The following CYP3A7 variants were observed in gnomAD, a reference collection of about 807,000 sequenced individuals.
The protein encoded by CYP3A7 is cytochrome P450 family 3 subfamily A member 7.
CYP3A7 carries 45 observed loss-of-function variants against 55.2 expected under a neutral mutation model. The ratio of observed to expected loss-of-function variants is 0.82; its 90% CI spans 0.64 to 1.05. The LOEUF is 1.05. Among genes scored for constraint, CYP3A7 ranks in the 50% least tolerant of loss-of-function variants. The pLI is 0.00. For synonymous variants in CYP3A7, 180 were observed against 207.4 expected (o/e 0.87, Z 1.13); for missense variants, 548 against 605.3 (o/e 0.91, Z 0.99).
At chr7:99,709,014 C>T (rs769720757) in intron 11 of CYP3A7, 21 bp downstream of exon 11, 8 of 1,613,788 alleles carry the variant, frequency 5.0e-6, no homozygotes, top group South Asian at 3.3e-5. Context: ...AGGGAGGGCT[C>T]CCTTCCCAGG....
chr7:99,714,525 C>T, intron 8 of CYP3A7, 30 bp downstream of exon 8: 3 of 1,610,166 alleles, frequency 1.9e-6, no homozygotes, highest in Non-Finnish European at 2.5e-6. Context: ...GAAAACTAAA[C>T]ATCCTCCTAT....
chr7:99,711,334 A>T (rs1312190208), intron 9 of CYP3A7, among the ~76,000 whole-genome samples: 1 of 152,236 alleles, frequency 6.6e-6, no homozygotes. Flanking sequence ...AATTTGCAAC[A>T]TTAATGGCTA....
chr7:99,720,623 G>A (rs1441676442), intron 3 of CYP3A7: 5 of 510,208 alleles, frequency 9.8e-6, no homozygotes, highest in Admixed American at 6.4e-5. Flanking sequence ...GGGTAATGTG[G>A]GCCAAACAGG....
chr7:99,715,962 C>CT, intron 6 of CYP3A7, 56 bp from the exon 7 acceptor site: 2 of 1,611,926 alleles, frequency 1.2e-6, no homozygotes, highest in Non-Finnish European at 1.7e-6. Flanking sequence ...CATCCTTCCT[C>CT]TATGCGTGCA....
chr7:99,721,212 A>G (rs1814187967), intron 3 of CYP3A7, among the ~76,000 whole-genome samples: 1 of 152,214 alleles, frequency 6.6e-6, no homozygotes, highest in African/African-American at 2.4e-5. Flanking sequence ...AAATGTATAG[A>G]CAAAGATGTA....
chr7:99,730,470 G>A (rs1389350155), intron 2 of CYP3A7: 1 of 154,046 alleles, frequency 6.5e-6, no homozygotes, highest in Non-Finnish European at 1.4e-5. Context: ...GGCAACAGAT[G>A]TCATGGGGAG....
intron 7 of CYP3A7, 167 bp downstream of exon 7, chr7:99,715,591 A>C: frequency 1.6e-6 from 2 of 1,221,552 alleles, no homozygotes; most frequent in Non-Finnish European, 2.3e-6. Context: ...CTAGAATGAC[A>C]GAAGTGTTTT....
At chr7:99,721,822 G>C (rs1211280191) in intron 3 of CYP3A7, among the ~76,000 whole-genome samples, 1 of 152,182 alleles carries the variant, frequency 6.6e-6, no homozygotes, top group Admixed American at 6.5e-5. Flanking sequence ...AGAAGGCTAT[G>C]ATGAGTGGAT....
At chr7:99,709,359 A>G in intron 10 of CYP3A7, 98 bp from the exon 11 acceptor site, 1 of 1,513,784 alleles carries the variant, frequency 6.6e-7, no homozygotes, top group Non-Finnish European at 9.0e-7. Flanking sequence ...GTTCCAGAGA[A>G]CAACTCATAC....
intron 1 of CYP3A7, 133 bp from the exon 2 acceptor site, chr7:99,731,285 C>A: frequency 2.0e-6 from 2 of 980,590 alleles, no homozygotes; most frequent in East Asian, 2.6e-5. Context: ...ATAACAGTAA[C>A]TCTGACGGCA....
chr7:99,734,626 CTTT>C (rs559186958), intron 1 of CYP3A7, among the ~76,000 whole-genome samples: 1 of 140,914 alleles, frequency 7.1e-6, no homozygotes. Context: ...TTTTTTTTCT[CTTT>C]TTTTTTTTTT....
chr7:99,707,895 T>C lies in CYP3A7; in HGVS notation c.1333A>G (p.Met445Val). ...TTCATGTTCACGAGAGCAAACCTCA[T>C]GCCAATGCAGTTTCTGGGTCCACTT... ...FGSGPRNCIG[M>V]RFALVNMKLA... The change falls in exon 12 of 13, where the codon ATG becomes GTG. Residue 445 changes from methionine (M) to valine (V), a missense_variant. Met to Val is a conservative substitution (Grantham distance 21). Transcript: ENST00000336374. 1 of 1,614,082 alleles carries C rather than the reference T, an allele frequency of 6.2e-7. No homozygotes were observed.
At chr7:99,729,202 A>G (rs59210500) in intron 2 of CYP3A7, among the ~76,000 whole-genome samples, 6,602 of 152,158 alleles carry the variant, frequency 0.043, 452 homozygotes, top group African/African-American at 0.15. Flanking sequence ...TGTGTCTTCA[A>G]TTGGTTTCTC....
chr7:99,709,909 T>C (rs1813682603), intron 10 of CYP3A7, among the ~76,000 whole-genome samples: 1 of 152,136 alleles, frequency 6.6e-6, no homozygotes, highest in Admixed American at 6.6e-5. Context: ...ACTAGTCCCT[T>C]TCTATCCCAA....
chr7:99,708,917 C>T (rs764307667), intron 11 of CYP3A7, 118 bp downstream of exon 11: 14 of 1,225,036 alleles, frequency 1.1e-5, no homozygotes, highest in Non-Finnish European at 1.7e-5. Flanking sequence ...TTGAAAAAAC[C>T]TTTTAAACAT....
At chr7:99,720,547 A>G (rs747804366) in intron 3 of CYP3A7, 135 bp from the exon 4 acceptor site, 6 of 966,622 alleles carry the variant, frequency 6.2e-6, no homozygotes, top group African/African-American at 3.3e-5. Context: ...CTTAAGTTCT[A>G]GTTCATTAGG....
chr7:99,725,013 T>C (rs954640752), intron 2 of CYP3A7, among the ~76,000 whole-genome samples: 2 of 152,114 alleles, frequency 1.3e-5, no homozygotes, highest in Admixed American at 1.3e-4. Context: ...ATCAGGGCAG[T>C]TCCCCAAGAG....
At chr7:99,714,470 A>T (rs908079185) in intron 8 of CYP3A7, 85 bp downstream of exon 8, 2 of 1,573,614 alleles carry the variant, frequency 1.3e-6, no homozygotes, top group Admixed American at 3.6e-5. Context: ...CTCTAAAAAC[A>T]TACAGGGAAG....
chr7:99,717,054 A>T, intron 6 of CYP3A7, 123 bp downstream of exon 6: 1 of 1,186,256 alleles, frequency 8.4e-7, no homozygotes, highest in African/African-American at 1.5e-5. Context: ...TTGAAGTTGC[A>T]TTACCACAGC....
Sources: allele counts gnomAD v4.1 joint callset (sites outside exome capture counted in the v4.1 genomes callset), GRCh38; gene constraint gnomAD v4.1.1; transcripts MANE v1.5; gene names NCBI Gene and HGNC (gene_info 2026-07-23, HGNC 2026-07-21).